FAT3: variants seen among roughly 807,000 people sequenced by gnomAD.
FAT3 encodes FAT atypical cadherin 3, also known as protocadherin Fat 3.
A neutral mutation model predicts 310.2 loss-of-function variants in FAT3; 95 were observed. That is an observed-to-expected ratio of 0.31 (90% CI 0.26 to 0.36). The LOEUF (loss-of-function observed/expected upper bound fraction) is 0.36. Among genes scored for constraint, FAT3 ranks in the 10% least tolerant of loss-of-function variants. The pLI is 1.00. For synonymous variants in FAT3, 2,314 were observed against 2,192.9 expected (o/e 1.06, Z -1.54); for missense variants, 5,408 against 5,715.6 (o/e 0.95, Z 1.74).
chr11:92,701,846 A>G (rs1047333996), intron 4 of FAT3, among the ~76,000 whole-genome samples: 1 of 152,208 alleles, frequency 6.6e-6, no homozygotes, highest in Non-Finnish European at 1.5e-5. Flanking sequence ...CTTATTATAT[A>G]ATCACTTGTA....
rs1953343939 is a variant in FAT3, at chr11:92,512,840, CGG to C, written c.3293-11793_3293-11792del. ...TTATAAACATCTAAGTTAAGATTATCGGCCGGGCGCGGTGGCTCACGCCTGTA... is the reference window on the plus strand; with the variant it reads ...TTATAAACATCTAAGTTAAGATTATCCCGGGCGCGGTGGCTCACGCCTGTA... On this transcript the variant is annotated intron_variant, in intron 2 of 27. Transcript: ENST00000525166. Among the ~76,000 whole-genome samples, 245 of 99,568 alleles carry C rather than the reference CGG, an allele frequency of 2.5e-3. 5 individuals are homozygous for C. The highest frequency in any genetic ancestry group is 9.9e-3 in the African/African-American group (228 of 23,088). The allele number at this position is 99,568 out of a possible 152,430, so 65.3% of individuals were successfully genotyped here. A position where few individuals can be genotyped will look rare whatever the true frequency, so the allele number is the denominator to read the frequency against.
At chr11:92,698,552 G>C (rs75646598) in intron 4 of FAT3, among the ~76,000 whole-genome samples, 1 of 151,738 alleles carries the variant, frequency 6.6e-6, no homozygotes, top group African/African-American at 2.4e-5. Context: ...TTGTATCAAC[G>C]TATTTTTAAA....
rs1168085335 is a variant in FAT3 at position 92,315,479 on chromosome 11, GTATATATATA to G, written c.-17-36592_-17-36583del. Among the ~76,000 whole-genome samples, 400 of 65,158 alleles carry G rather than the reference GTATATATATA, an allele frequency of 6.1e-3. 5 individuals are homozygous for G. Among genetic ancestry groups the G allele is most frequent in the African/African-American group, 0.019 (379 of 20,482 alleles). The allele number at this position is 65,158 out of a possible 152,430, so 42.7% of individuals were successfully genotyped here. ...TATGTGTGTGTGTGTGTGTGTGTGT[GTATATATATA>G]TATATATATATATATATATATATAG... is the stretch of plus-strand genomic sequence containing the variant. On this transcript the variant is annotated intron_variant, in intron 1 of 27. Transcript: ENST00000525166.
intron 2 of FAT3, among the ~76,000 whole-genome samples, chr11:92,440,091 G>A (rs1951033438): frequency 6.6e-6 from 1 of 152,098 alleles, no homozygotes; most frequent in African/African-American, 2.4e-5. Context: ...TTGAGGAGGT[G>A]GATCTGAGTG....
chr11:92,601,547 G>A (rs1213418618), intron 3 of FAT3, among the ~76,000 whole-genome samples: 1 of 152,100 alleles, frequency 6.6e-6, no homozygotes, highest in African/African-American at 2.4e-5. Flanking sequence ...GTGAGCCGAG[G>A]TCGCACACCA....
At chr11:92,434,453 T>C (rs1950880271) in intron 2 of FAT3, among the ~76,000 whole-genome samples, 1 of 152,178 alleles carries the variant, frequency 6.6e-6, no homozygotes. Context: ...CTGCATAAAA[T>C]GTGGTGAGGC....
In FAT3 at chr11:92,863,945, T is replaced by G. The variant is rs528337495; in HGVS notation, c.11659-2796T>G. 3.9e-5 allele frequency among the ~76,000 whole-genome samples: 6 copies of G among 152,340 alleles called. No homozygotes were observed. In the South Asian group the frequency reaches 1.0e-3, roughly 26 times the overall value. On this transcript the variant is annotated intron_variant, in intron 21 of 27. Transcript: ENST00000525166. Reference sequence around the variant, plus strand: ...GCTGGTAATTTCAAAGTCCTAGGATTTTGACAATCCAAATGATTTTTGTTT... The same window carrying G: ...GCTGGTAATTTCAAAGTCCTAGGATGTTGACAATCCAAATGATTTTTGTTT...
At chr11:92,270,791 T>C (rs752080417) in intron 1 of FAT3, among the ~76,000 whole-genome samples, 2 of 152,102 alleles carry the variant, frequency 1.3e-5, no homozygotes, top group Non-Finnish European at 1.5e-5. Context: ...TACATACATG[T>C]CTAAACAGAA....
intron 19 of FAT3, among the ~76,000 whole-genome samples, chr11:92,850,571 A>G (rs942377932): frequency 6.6e-6 from 1 of 152,236 alleles, no homozygotes; most frequent in African/African-American, 2.4e-5. Context: ...CCATGAATTA[A>G]GAAGGGAGCT....
intron 3 of FAT3, among the ~76,000 whole-genome samples, chr11:92,600,702 A>G (rs1008528911): frequency 6.6e-6 from 1 of 152,186 alleles, no homozygotes; most frequent in African/African-American, 2.4e-5. Flanking sequence ...GGGTAGTAAG[A>G]TCATAGACAA....
At chr11:92,766,755 C>A (rs947260602) in intron 6 of FAT3, 6 of 152,194 alleles carry the variant, frequency 3.9e-5, no homozygotes, top group African/African-American at 1.2e-4. Context: ...TCTTTATCTT[C>A]TTAGTAATTT....
chr11:92,279,665 GA>G, intron 1 of FAT3, among the ~76,000 whole-genome samples: 1 of 152,244 alleles, frequency 6.6e-6, no homozygotes, highest in Non-Finnish European at 1.5e-5. Flanking sequence ...TCATCACCTT[GA>G]GTCTTTATCA....
At chr11:92,534,356 CTAG>C (rs1954178676) in intron 3 of FAT3, among the ~76,000 whole-genome samples, 1 of 152,124 alleles carries the variant, frequency 6.6e-6, no homozygotes. Context: ...CAGTGCCGAG[CTAG>C]GATTGGTCTG....
intron 1 of FAT3, among the ~76,000 whole-genome samples, chr11:92,255,960 A>G (rs563022368): frequency 6.6e-6 from 1 of 152,234 alleles, no homozygotes; most frequent in East Asian, 1.9e-4. Context: ...GGTGACATCT[A>G]CCCCATGACA....
intron 19 of FAT3, among the ~76,000 whole-genome samples, chr11:92,846,359 T>C (rs754060725): frequency 9.2e-5 from 14 of 152,132 alleles, no homozygotes; most frequent in Non-Finnish European, 1.6e-4. Context: ...GAGCTGACAA[T>C]TGTAAAGTCA....
At chr11:92,405,195 G>A (rs959843252) in intron 2 of FAT3, among the ~76,000 whole-genome samples, 1 of 152,006 alleles carries the variant, frequency 6.6e-6, no homozygotes, top group South Asian at 2.1e-4. Flanking sequence ...CTGTTTGACA[G>A]ATGTTTCACT....
intron 3 of FAT3, among the ~76,000 whole-genome samples, chr11:92,668,788 G>A (rs1943037452): frequency 6.6e-6 from 1 of 152,198 alleles, no homozygotes; most frequent in Non-Finnish European, 1.5e-5. Context: ...TGTAAAATGT[G>A]AGGATTGGAT....
At chr11:92,678,859 A>G (rs763378530) in intron 3 of FAT3, among the ~76,000 whole-genome samples, 8 of 152,306 alleles carry the variant, frequency 5.3e-5, no homozygotes, top group South Asian at 2.1e-4. Context: ...ACATGCATAG[A>G]TTGCATAGTG....
chr11:92,601,785 CAG>C (rs1430635360), intron 3 of FAT3, among the ~76,000 whole-genome samples: 3 of 151,996 alleles, frequency 2.0e-5, no homozygotes, highest in Non-Finnish European at 4.4e-5. Context: ...CCTTCTGCAC[CAG>C]AGTTTAGGGT....
Sources: gnomAD v4.1 joint callset for allele counts (sites outside exome capture counted in the v4.1 genomes callset) on GRCh38, gnomAD v4.1.1 for gene constraint, MANE v1.5 for transcripts, NCBI Gene and HGNC (gene_info 2026-07-23, HGNC 2026-07-21) for gene names.